MTOR: variants seen among roughly 807,000 people sequenced by gnomAD.
MTOR encodes mechanistic target of rapamycin kinase, also known as serine/threonine-protein kinase mTOR.
A neutral mutation model predicts 319.8 loss-of-function variants in MTOR; 70 were observed. The observed-to-expected ratio is 0.22, with a 90% CI of 0.18 to 0.27. MTOR has a LOEUF of 0.27. MTOR is among the 10% of genes least tolerant of loss of function. The probability of loss-of-function intolerance (pLI) is 1.00; values close to 1 mark genes in which losing one functional copy is unlikely to be tolerated. For missense variants in MTOR, 1,890 were observed against 3,274.4 expected (o/e 0.58, Z 10.32); for synonymous variants, 1,183 against 1,211.4 (o/e 0.98, Z 0.49).
intron 46 of MTOR, among the ~76,000 whole-genome samples, 190 bp downstream of exon 46, chr1:11,126,432 G>C (rs142333984): frequency 4.5e-4 from 69 of 152,218 alleles, no homozygotes; most frequent in African/African-American, 1.6e-3. Context: ...CCAACTACAT[G>C]AATGAACTAA....
intron 20 of MTOR, 136 bp from the exon 21 acceptor site, chr1:11,213,702 C>G (rs1646381141): frequency 6.5e-6 from 5 of 767,294 alleles, no homozygotes; most frequent in Admixed American, 2.6e-5. Context: ...CACTCCCCTC[C>G]TCCCACTGGG....
In MTOR at chr1:11,109,608, T is replaced by G; in HGVS notation, c.7447+41A>C. The G allele has an allele frequency of 7.7e-4, 1,214 of 1,567,662 alleles. No homozygotes were observed. Among genetic ancestry groups the G allele is most frequent in the Non-Finnish European group, 9.8e-4 (1,118 of 1,137,636 alleles). ...TATAACACAGCTGCTATTTTCTTAATGAGCTAGTCACTGGTGCGGTTCCTC... is the reference window on the plus strand; with the variant it reads ...TATAACACAGCTGCTATTTTCTTAAGGAGCTAGTCACTGGTGCGGTTCCTC... On this transcript the variant is annotated intron_variant, in intron 55 of 57. Coordinates refer to ENST00000361445, the MANE Select transcript of MTOR (RefSeq NM_004958.4). The surrounding 1 kb of genome is among the most constrained non-coding windows in gnomAD (Gnocchi z 4.0).
chr1:11,182,161 G>C (rs931058676), intron 28 of MTOR, among the ~76,000 whole-genome samples: 1 of 151,792 alleles, frequency 6.6e-6, no homozygotes, highest in Non-Finnish European at 1.5e-5. Context: ...AGGTTGCAGT[G>C]AGCTGAGATT....
intron 15 of MTOR, chr1:11,232,935 T>TG (rs1226249438): frequency 1.4e-6 from 1 of 718,300 alleles, no homozygotes; most frequent in African/African-American, 1.8e-5. Flanking sequence ...TCCACCATCA[T>TG]GGTGTGTGCC....
chr1:11,233,322 T>C (rs892235454), intron 15 of MTOR, 76 bp downstream of exon 15: 44 of 1,310,504 alleles, frequency 3.4e-5, no homozygotes, highest in Admixed American at 6.4e-5. Context: ...AAAAAAAAAA[T>C]AGTATTTTGA....
chr1:11,201,855 G>A (rs1260662716), intron 26 of MTOR, among the ~76,000 whole-genome samples: 1 of 152,154 alleles, frequency 6.6e-6, no homozygotes, highest in East Asian at 1.9e-4. Context: ...CATCTAGGCT[G>A]GAATGCAGGG....
chr1:11,122,841 A>C (rs79171074), intron 47 of MTOR, among the ~76,000 whole-genome samples: 5,154 of 152,236 alleles, frequency 0.034, 121 homozygotes, highest in Non-Finnish European at 0.056. Context: ...CCGCCGCAGC[A>C]GGCTGGTGTG....
Position 11,124,432 on chromosome 1 carries a change from C to T in MTOR, c.6662+66G>A, listed in dbSNP as rs868080. 0.05 allele frequency: 77,864 copies of T among 1,568,432 alleles called. 4,594 individuals are homozygous for T. Among genetic ancestry groups the T allele is most frequent in the African/African-American group, 0.2 (14,602 of 73,640 alleles). ...TGTTAAGATATAATACATGACTACA[C>T]GAGACAAATGTAGGAAAAAACCAGA... On this transcript the variant is annotated intron_variant, in intron 47 of 57. Coordinates refer to ENST00000361445, the MANE Select transcript of MTOR (RefSeq NM_004958.4).
intron 18 of MTOR, among the ~76,000 whole-genome samples, chr1:11,229,954 A>G (rs1646964121): frequency 6.6e-6 from 1 of 152,102 alleles, no homozygotes; most frequent in Non-Finnish European, 1.5e-5. Context: ...TGACAAAGTG[A>G]GACCCTGTCT....
chr1:11,130,676 C>A lies in MTOR; in HGVS notation c.5466G>T (p.Gly1822=). Reference sequence around the variant, plus strand: ...CAGTGGTGGCGTTGGTGATGTTGGCCCCGCTGGCATGACGCAGTTTCTTCT... The same window carrying A: ...CAGTGGTGGCGTTGGTGATGTTGGCACCGCTGGCATGACGCAGTTTCTTCT... ...DEKKKLRHAS[G]ANITNATTAA... The change falls in exon 39 of 58, where the codon GGG becomes GGT. Residue 1822 remains glycine, a synonymous_variant. Coordinates refer to ENST00000361445, the MANE Select transcript of MTOR (RefSeq NM_004958.4). 6.2e-7 allele frequency: 1 copy of A among 1,611,548 alleles called. No individual in the cohort carries two copies. Among genetic ancestry groups the A allele is most frequent in the Non-Finnish European group, 8.5e-7 (1 of 1,179,082 alleles).
chr1:11,127,239 C>T lies in MTOR; in HGVS notation c.6217-95G>A, dbSNP rs2100404012. ...GCTGACTGCAGATATTCCTCAGGAGCCCGCTGTGGCCTGAAAACACTGGCA... is the reference window on the plus strand; with the variant it reads ...GCTGACTGCAGATATTCCTCAGGAGTCCGCTGTGGCCTGAAAACACTGGCA... On this transcript the variant is annotated intron_variant, in intron 44 of 57. Coordinates refer to ENST00000361445, the MANE Select transcript of MTOR (RefSeq NM_004958.4). This position sits in a 1 kb window ranked among gnomAD's most constrained non-coding sequence, Gnocchi z 5.5. The T allele has an allele frequency of 6.5e-7, 1 of 1,530,288 alleles. No homozygotes were observed. The highest frequency in any genetic ancestry group is 8.9e-7 in the Non-Finnish European group (1 of 1,129,904). The allele number at this position is 1,530,288 out of a possible 1,614,324, so 94.8% of individuals were successfully genotyped here.
At chr1:11,215,850 A>G (rs1258937886) in intron 20 of MTOR, among the ~76,000 whole-genome samples, 2 of 152,196 alleles carry the variant, frequency 1.3e-5, no homozygotes, top group African/African-American at 4.8e-5. Flanking sequence ...CACCCTTGTG[A>G]TATTAAAGTA....
chr1:11,189,382 C>T, intron 28 of MTOR: 1 of 649,720 alleles, frequency 1.5e-6, no homozygotes, highest in Admixed American at 2.9e-5. Flanking sequence ...TATAGGCTAC[C>T]CATTCAGCTC....
Position 11,127,467 on chromosome 1 carries a change from G to A in MTOR, c.6216+157C>T, listed in dbSNP as rs1395958789. Among the ~76,000 whole-genome samples, 2 of 152,168 alleles carry A rather than the reference G, an allele frequency of 1.3e-5. No individual in the cohort carries two copies. The highest frequency in any genetic ancestry group is 1.5e-5 in the Non-Finnish European group (1 of 68,036). Reference sequence around the variant, plus strand: ...TGCTCTGTGACCTCCATCAGAGCTCGTTTTATTAAAGTCAGTGGAAAGGCC... The same window carrying A: ...TGCTCTGTGACCTCCATCAGAGCTCATTTTATTAAAGTCAGTGGAAAGGCC... On this transcript the variant is annotated intron_variant, in intron 44 of 57. Transcript: ENST00000361445. This position sits in a 1 kb window ranked among gnomAD's most constrained non-coding sequence, Gnocchi z 5.5.
At position 11,145,030 on chromosome 1, in the gene MTOR, T is replaced by C. The variant is rs2100510367; in HGVS notation, c.4702A>G (p.Arg1568Gly). ...GTTAATTCAGCATCCAGCAGGTCCC[T>C]GGCCTTGTCAATGCACTAGAAGAGA... Reference protein sequence around the residue: ...SLAQQCIDKARDLLDAELTAM... With the variant: ...SLAQQCIDKAGDLLDAELTAM... The change falls in exon 33 of 58, where the codon AGG becomes GGG. Residue 1568 changes from arginine (R) to glycine (G), a missense_variant. Arg to Gly is a moderately radical substitution (Grantham distance 125). Transcript: ENST00000361445. The C allele has an allele frequency of 1.2e-6, 2 of 1,614,198 alleles. No individual in the cohort carries two copies. The highest frequency in any genetic ancestry group is 1.7e-6 in the Non-Finnish European group (2 of 1,180,010).
intron 52 of MTOR, 93 bp downstream of exon 52, chr1:11,114,720 T>C: frequency 1.5e-6 from 2 of 1,311,012 alleles, no homozygotes. Context: ...AAAGGCACTT[T>C]GGAGAACTGA....
chr1:11,193,687 T>C (rs778660297), intron 28 of MTOR: 14 of 1,614,006 alleles, frequency 8.7e-6, no homozygotes, highest in Non-Finnish European at 1.2e-5. Flanking sequence ...AGCAGGGCTT[T>C]GGCAGCATCC....
At chr1:11,140,103 C>T (rs1007089330) in intron 34 of MTOR, among the ~76,000 whole-genome samples, 3 of 152,142 alleles carry the variant, frequency 2.0e-5, no homozygotes, top group Non-Finnish European at 4.4e-5. Context: ...GGATTACAGG[C>T]ACGAGCCACC....
chr1:11,140,984 A>AC (rs1491281039), intron 34 of MTOR, among the ~76,000 whole-genome samples: 1 of 26,486 alleles, frequency 3.8e-5, no homozygotes, highest in Non-Finnish European at 2.3e-4. Context: ...AAGACTTCTG[A>AC]AAAAAAAAAA....
Sources: allele counts gnomAD v4.1 joint callset (sites outside exome capture counted in the v4.1 genomes callset), GRCh38; gene constraint gnomAD v4.1.1; non-coding constraint Gnocchi (gnomAD v3.1); transcripts MANE v1.5; gene names NCBI Gene and HGNC (gene_info 2026-07-23, HGNC 2026-07-21).